Variants in ATOSA observed in about 807,000 individuals in gnomAD.
ATOSA encodes the protein atos homolog A, also known as atos homolog protein A.
chr15:52,629,848 A>T, the ATOSA span, among the ~76,000 whole-genome samples: 1 of 152,110 alleles, frequency 6.6e-6, no homozygotes, highest in Non-Finnish European at 1.5e-5. Context: ...AAGGATAAGT[A>T]ATTAAGAATT....
the ATOSA span, chr15:52,581,902 C>G: frequency 2.9e-6 from 1 of 347,430 alleles, no homozygotes; most frequent in Non-Finnish European, 5.1e-6. Context: ...AAACACTAAT[C>G]TAACTGGGGG....
chr15:52,708,473 T>C, the ATOSA span, among the ~76,000 whole-genome samples: 2 of 152,112 alleles, frequency 1.3e-5, no homozygotes, highest in African/African-American at 4.8e-5. Context: ...GACTTTATAA[T>C]GGAGTTCAAG....
chr15:52,678,084 C>A, the ATOSA span: 9 of 1,588,588 alleles, frequency 5.7e-6, no homozygotes, highest in Admixed American at 3.3e-5. Flanking sequence ...TCAACAGGCT[C>A]GCCGCTGATT....
At chr15:52,607,160 G>A in the ATOSA span, among the ~76,000 whole-genome samples, 6 of 151,910 alleles carry the variant, frequency 3.9e-5, no homozygotes, top group East Asian at 3.9e-4. Flanking sequence ...ACTTATTTAC[G>A]GTCACTTAAG....
chr15:52,629,682 A>G, the ATOSA span: 1 of 399,422 alleles, frequency 2.5e-6, no homozygotes, highest in Non-Finnish European at 5.1e-6. Flanking sequence ...GGCACCTGTA[A>G]TCTCTGCTAC....
the ATOSA span, chr15:52,593,725 C>G: frequency 6.5e-7 from 1 of 1,539,804 alleles, no homozygotes; most frequent in African/African-American, 1.4e-5. Flanking sequence ...AACGATAGTT[C>G]AAGACAGATT....
At chr15:52,690,061 A>T in the ATOSA span, among the ~76,000 whole-genome samples, 1 of 152,186 alleles carries the variant, frequency 6.6e-6, no homozygotes, top group Non-Finnish European at 1.5e-5. Context: ...CTTTCCAATA[A>T]ACAAGTTTGT....
the ATOSA span, among the ~76,000 whole-genome samples, chr15:52,599,522 C>T: frequency 5.3e-4 from 81 of 152,030 alleles, no homozygotes; most frequent in Non-Finnish European, 9.4e-4. Context: ...AAAAAACTCA[C>T]CAGTTAAAAT....
chr15:52,643,455 C>CTTT, the ATOSA span, among the ~76,000 whole-genome samples: 1 of 133,334 alleles, frequency 7.5e-6, no homozygotes, highest in African/African-American at 2.7e-5. Flanking sequence ...CCTCACCTGG[C>CTTT]TTTTTTTTTT....
At chr15:52,597,485 CAAT>C in the ATOSA span, among the ~76,000 whole-genome samples, 1 of 152,170 alleles carries the variant, frequency 6.6e-6, no homozygotes, top group Non-Finnish European at 1.5e-5. Context: ...ATCTTAAAAA[CAAT>C]GACACTCACT....
the ATOSA span, among the ~76,000 whole-genome samples, chr15:52,590,054 C>G: frequency 6.6e-6 from 1 of 152,148 alleles, no homozygotes. Flanking sequence ...TCCCAAAGTG[C>G]TGGGATTACA....
At chr15:52,585,687 T>C in the ATOSA span, among the ~76,000 whole-genome samples, 1 of 152,216 alleles carries the variant, frequency 6.6e-6, no homozygotes, top group Non-Finnish European at 1.5e-5. Context: ...CTGAATTAAA[T>C]TCAATTGTTG....
At chr15:52,600,957 C>T in the ATOSA span, 1 of 650,380 alleles carries the variant, frequency 1.5e-6, no homozygotes. Flanking sequence ...TGCGTGTGTA[C>T]ATGGTATCAT....
At chr15:52,594,340 TCCC>T in the ATOSA span, among the ~76,000 whole-genome samples, 8 of 152,116 alleles carry the variant, frequency 5.3e-5, no homozygotes, top group Non-Finnish European at 1.0e-4. Context: ...TATCCATCCC[TCCC>T]CCAAGGTCAC....
chr15:52,609,095 T>C, the ATOSA span: 4 of 1,613,560 alleles, frequency 2.5e-6, no homozygotes, highest in Admixed American at 3.3e-5. Context: ...GTTGATAAAC[T>C]AGAACTTTTG....
chr15:52,699,020 C>T, the ATOSA span, among the ~76,000 whole-genome samples: 2,571 of 152,254 alleles, frequency 0.017, 63 homozygotes, highest in African/African-American at 0.052. Context: ...AAAGTTATTA[C>T]TGGACGAATA....
the ATOSA span, among the ~76,000 whole-genome samples, chr15:52,661,939 A>AAAC: frequency 3.3e-5 from 5 of 151,244 alleles, no homozygotes; most frequent in East Asian, 9.7e-4. Context: ...GCCAAAAAAA[A>AAAC]AAAAAAAAAA....
the ATOSA span, among the ~76,000 whole-genome samples, chr15:52,582,864 T>C: frequency 6.6e-6 from 1 of 152,232 alleles, no homozygotes; most frequent in Admixed American, 6.5e-5. Flanking sequence ...CAAAACTGTA[T>C]ATGAAACTGT....
the ATOSA span, among the ~76,000 whole-genome samples, chr15:52,707,089 T>G: frequency 1.3e-4 from 20 of 152,234 alleles, no homozygotes; most frequent in African/African-American, 4.8e-4. Context: ...AAAGACTTCC[T>G]TATAACAGAA....
Sources: gnomAD v4.1 joint callset for allele counts (sites outside exome capture counted in the v4.1 genomes callset) on GRCh38, gnomAD v4.1.1 for gene constraint, MANE v1.5 for transcripts, NCBI Gene and HGNC (gene_info 2026-07-23, HGNC 2026-07-21) for gene names.